CACNA2D4: variants seen among roughly 807,000 people sequenced by gnomAD.
CACNA2D4 encodes the protein voltage-dependent calcium channel subunit alpha-2/delta-4.
CACNA2D4 carries 157 observed loss-of-function variants against 163.8 expected under a neutral mutation model. The ratio of observed to expected loss-of-function variants is 0.96; its 90% CI spans 0.84 to 1.09. The LOEUF (loss-of-function observed/expected upper bound fraction) is 1.09, where lower values mean the gene tolerates loss of function less well. Among genes scored for constraint, CACNA2D4 ranks in the 50% least tolerant of loss-of-function variants. CACNA2D4 has a pLI of 0.00. For missense variants in CACNA2D4, 1,410 were observed against 1,479.9 expected (o/e 0.95, Z 0.78); for synonymous variants, 598 against 586.9 (o/e 1.02, Z -0.27).
At chr12:1,832,018 C>T (rs1234131340) in intron 26 of CACNA2D4, among the ~76,000 whole-genome samples, 1 of 152,202 alleles carries the variant, frequency 6.6e-6, no homozygotes, top group African/African-American at 2.4e-5. Flanking sequence ...ACCAAATCTT[C>T]CTTTTGGTGA....
In CACNA2D4 at chr12:1,839,916, T is replaced by A. The variant is rs189313243; in HGVS notation, c.2551+823A>T. Among the ~76,000 whole-genome samples, 390 of 152,324 alleles carry A rather than the reference T, an allele frequency of 2.6e-3. 1 individual carries two copies. Among genetic ancestry groups the A allele is most frequent in the African/African-American group, 8.9e-3 (371 of 41,574 alleles). ...TGGCATCCGATCCCCGCTAGTTGGG[T>A]TGCTTTGAGCCAAACGTTCTGAGCC... On this transcript the variant is annotated intron_variant, in intron 26 of 37. Transcript: ENST00000382722.
intron 25 of CACNA2D4, among the ~76,000 whole-genome samples, chr12:1,842,499 C>A (rs1001097424): frequency 6.6e-6 from 1 of 152,140 alleles, no homozygotes; most frequent in African/African-American, 2.4e-5. Flanking sequence ...CGTGTGTGTG[C>A]GCTGAGCGAG....
intron 6 of CACNA2D4, among the ~76,000 whole-genome samples, chr12:1,901,738 T>C (rs1159807776): frequency 6.6e-6 from 1 of 152,100 alleles, no homozygotes; most frequent in African/African-American, 2.4e-5. Context: ...CCTGACGGCT[T>C]CAGAATTGCT....
intron 37 of CACNA2D4, among the ~76,000 whole-genome samples, chr12:1,794,828 A>C (rs2154444946): frequency 6.6e-6 from 1 of 152,306 alleles, no homozygotes; most frequent in South Asian, 2.1e-4. Flanking sequence ...CTCAGTCTCC[A>C]GCCCCCTTCC....
At position 1,828,143 on chromosome 12, in the gene CACNA2D4, C is replaced by G. The variant is rs772923912; in HGVS notation, c.2551+12596G>C. 6.5e-7 allele frequency: 1 copy of G among 1,538,588 alleles called. No homozygotes were observed. The highest frequency in any genetic ancestry group is 1.2e-5 in the South Asian group (1 of 82,682). On this transcript the variant is annotated intron_variant, in intron 26 of 37. Coordinates refer to ENST00000382722, the MANE Select transcript of CACNA2D4 (RefSeq NM_172364.5). The surrounding 1 kb of genome is among the most constrained non-coding windows in gnomAD (Gnocchi z 4.2). ...CGACAGGGCCCGGAGAGCCGTGGGC[C>G]TCACCATGCTGGCGCCGGGCAGCAG...
Position 1,908,000 on chromosome 12 carries a change from T to A in CACNA2D4, c.524A>T (p.Asp175Val). The change falls in exon 5 of 38, where the codon GAC (aspartate) becomes GTC (valine). Residue 175 changes from aspartate (D) to valine (V), a missense_variant. By Grantham distance (152) the Asp-to-Val change is radical (BLOSUM62 -3). Transcript: ENST00000382722. The stretch of plus-strand genomic sequence containing the variant: ...CAGCTCCACGAAGTTGCCCTTCTCG[T>A]CCCTCTCGTTGATCAGGACCGAGTT... ...YYNSVLINER[D>V]EKGNFVELGA... is the part of the protein sequence containing the mutation. The A allele has an allele frequency of 6.2e-7, 1 of 1,614,018 alleles. No homozygotes were observed. Among genetic ancestry groups the A allele is most frequent in the South Asian group, 1.1e-5 (1 of 91,078 alleles).
intron 26 of CACNA2D4, among the ~76,000 whole-genome samples, chr12:1,824,218 C>T (rs1372847870): frequency 6.6e-6 from 1 of 152,160 alleles, no homozygotes; most frequent in Non-Finnish European, 1.5e-5. Context: ...TGAGAGGTGC[C>T]CGGCCTAGTC....
intron 26 of CACNA2D4, among the ~76,000 whole-genome samples, chr12:1,819,446 C>G (rs1179430056): frequency 6.6e-6 from 1 of 152,108 alleles, no homozygotes; most frequent in Non-Finnish European, 1.5e-5. Flanking sequence ...TTCTTCTACA[C>G]CCACCCCAGT....
chr12:1,889,617 G>A (rs957283853), intron 6 of CACNA2D4, among the ~76,000 whole-genome samples: 10 of 152,164 alleles, frequency 6.6e-5, no homozygotes, highest in African/African-American at 1.7e-4. Flanking sequence ...TACAAACCAA[G>A]TTCCCAGCTT....
chr12:1,918,235 C>A lies in CACNA2D4; in HGVS notation c.227+12G>T. ...ACCGGGTTTTTGGGGTGGGGTTGAA[C>A]GTGATGCTTACGTTTCCAGAGGAAT... On this transcript the variant is annotated intron_variant, in intron 1 of 37. Coordinates refer to ENST00000382722, the MANE Select transcript of CACNA2D4 (RefSeq NM_172364.5). The A allele has an allele frequency of 1.3e-6, 2 of 1,588,290 alleles. No individual in the cohort carries two copies. Among genetic ancestry groups the A allele is most frequent in the Non-Finnish European group, 1.7e-6 (2 of 1,164,368 alleles).
At position 1,882,877 on chromosome 12, in the gene CACNA2D4, A is replaced by T; in HGVS notation, c.1475T>A (p.Met492Lys). Residue 492 changes from methionine (M) to lysine (K), a missense_variant, in exon 13 of 38, where the codon ATG becomes AAG. Physicochemically the swap from Met to Lys is moderately conservative, Grantham distance 95. Coordinates refer to ENST00000382722, the MANE Select transcript of CACNA2D4 (RefSeq NM_172364.5). ...DHDIIWTEAY[M>K]DSKLLSSQAQ... ...TGCTGCCAGGCTCACCTTGCTGTCC[A>T]TGTAGGCCTCTGTCCAGATGATGTC... is the stretch of plus-strand genomic sequence containing the variant. The T allele has an allele frequency of 6.2e-7, 1 of 1,613,744 alleles. No individual in the cohort carries two copies. The highest frequency in any genetic ancestry group is 8.5e-7 in the Non-Finnish European group (1 of 1,179,794).
chr12:1,800,968 C>T (rs961365400), intron 31 of CACNA2D4, 75 bp downstream of exon 31: 1 of 1,388,236 alleles, frequency 7.2e-7, no homozygotes, highest in Admixed American at 1.7e-5. Context: ...AGAACAGGGA[C>T]CAGTGACCTC....
chr12:1,908,114 AG>A (rs2154452285), intron 4 of CACNA2D4, 77 bp from the exon 5 acceptor site: 1 of 1,458,676 alleles, frequency 6.9e-7, no homozygotes, highest in Non-Finnish European at 9.4e-7. Flanking sequence ...GAAACGGCGC[AG>A]GTGAGAGGAC....
intron 26 of CACNA2D4, among the ~76,000 whole-genome samples, chr12:1,812,159 A>G (rs1318185425): frequency 6.6e-6 from 1 of 152,230 alleles, no homozygotes; most frequent in Non-Finnish European, 1.5e-5. Flanking sequence ...CCGTTGCCCT[A>G]GCAACTCATG....
rs1330651061 is a variant in CACNA2D4 at position 1,829,836 on chromosome 12, A to G, written c.2551+10903T>C. Reference sequence around the variant, plus strand: ...GGTGGAACTGACCTCGGCTGGGCTGACCTGGTGGGGCTGAACTATTTTGAA... The same window carrying G: ...GGTGGAACTGACCTCGGCTGGGCTGGCCTGGTGGGGCTGAACTATTTTGAA... On this transcript the variant is annotated intron_variant, in intron 26 of 37. Transcript: ENST00000382722. This position sits in a 1 kb window ranked among gnomAD's most constrained non-coding sequence, Gnocchi z 4.2. Among the ~76,000 whole-genome samples the G allele has an allele frequency of 6.6e-6, 1 of 151,818 alleles. No homozygotes were observed. The highest frequency in any genetic ancestry group is 1.5e-5 in the Non-Finnish European group (1 of 67,938).
intron 3 of CACNA2D4, among the ~76,000 whole-genome samples, chr12:1,912,340 C>A (rs1401150231): frequency 6.6e-6 from 1 of 152,202 alleles, no homozygotes; most frequent in African/African-American, 2.4e-5. Flanking sequence ...TGGTTTATAC[C>A]ATCCAGGTCC....
At chr12:1,885,377 C>T (rs1284038747) in intron 9 of CACNA2D4, among the ~76,000 whole-genome samples, 1 of 152,126 alleles carries the variant, frequency 6.6e-6, no homozygotes, top group African/African-American at 2.4e-5. Context: ...GCAGGGTAAC[C>T]TCGGCTCCCA....
intron 18 of CACNA2D4, among the ~76,000 whole-genome samples, chr12:1,870,254 G>A (rs566551926): frequency 2.0e-5 from 3 of 152,188 alleles, no homozygotes; most frequent in Admixed American, 1.3e-4. Context: ...TCCTGCTTTC[G>A]GCTTTCCGTG....
chr12:1,904,770 A>G (rs1463550333), intron 6 of CACNA2D4, among the ~76,000 whole-genome samples: 1 of 152,130 alleles, frequency 6.6e-6, no homozygotes, highest in Non-Finnish European at 1.5e-5. Flanking sequence ...AATGAGAAAG[A>G]AATTTAAATG....
Sources: gnomAD v4.1 joint callset for allele counts (sites outside exome capture counted in the v4.1 genomes callset) on GRCh38, gnomAD v4.1.1 for gene constraint, Gnocchi (gnomAD v3.1) non-coding constraint, MANE v1.5 for transcripts, NCBI Gene and HGNC (gene_info 2026-07-23, HGNC 2026-07-21) for gene names.